The following CENATAC variants were observed in gnomAD, a reference collection of about 807,000 sequenced individuals.
CENATAC encodes the protein coiled-coil domain containing 84.
In CENATAC, 53 loss-of-function variants were observed where a neutral mutation model predicts 53.7. The observed-to-expected ratio is 0.99, with a 90% CI of 0.79 to 1.24. The LOEUF is 1.24. Among genes scored for constraint, CENATAC ranks in the 50% most tolerant of loss-of-function variants. The pLI, the probability that CENATAC is intolerant of heterozygous loss-of-function variation, is 0.00. For missense variants in CENATAC, 474 were observed against 417.8 expected (o/e 1.13, Z -1.17); for synonymous variants, 156 against 144.6 (o/e 1.08, Z -0.57).
chr11:119,014,691 G>A (rs1943061131), intron 8 of CENATAC: 1 of 218,768 alleles, frequency 4.6e-6, no homozygotes, highest in Non-Finnish European at 8.9e-6. Flanking sequence ...ATTTTAATGG[G>A]GGCAGTGATA....
intron 3 of CENATAC, among the ~76,000 whole-genome samples, chr11:119,000,928 G>A (rs1230907884): frequency 6.6e-6 from 1 of 152,090 alleles, no homozygotes; most frequent in East Asian, 1.9e-4. Flanking sequence ...CAATGTGCAT[G>A]GATTCATTTA....
At chr11:119,013,047 A>G (rs1435160914) in intron 7 of CENATAC, 185 bp from the exon 8 acceptor site, 2 of 522,636 alleles carry the variant, frequency 3.8e-6, no homozygotes, top group African/African-American at 2.0e-5. Context: ...TCCTGAGGAC[A>G]GGGTTGTCTT....
chr11:119,001,779 A>C, intron 3 of CENATAC: 1 of 436,582 alleles, frequency 2.3e-6, no homozygotes, highest in Admixed American at 2.5e-5. Context: ...TGAAACTGCC[A>C]GATGTGGTGG....
intron 3 of CENATAC, among the ~76,000 whole-genome samples, chr11:119,008,437 G>C (rs1265449870): frequency 6.6e-6 from 1 of 152,212 alleles, no homozygotes; most frequent in Non-Finnish European, 1.5e-5. Context: ...ACGTAGGCCA[G>C]ACTTATGTTT....
chr11:118,999,438 A>C (rs1942178756), intron 3 of CENATAC: 1 of 223,742 alleles, frequency 4.5e-6, no homozygotes, highest in Admixed American at 5.0e-5. Flanking sequence ...ACCTACTTTT[A>C]ATAGTTTTGG....
Position 119,015,532 on chromosome 11 carries a change from T to C in CENATAC, c.939-6T>C. ...ATCATCGTGTTAACCCTTTATTTCC[T>C]TTCAGACATCAATTCAAAACTGAAG... On this transcript the variant is annotated splice_region_variant and splice_polypyrimidine_tract_variant and intron_variant, in intron 10 of 10. Coordinates refer to ENST00000334418, the MANE Select transcript of CENATAC (RefSeq NM_198489.3). 6.2e-7 allele frequency: 1 copy of C among 1,614,170 alleles called. No homozygotes were observed.
At chr11:119,002,904 G>C (rs924513024) in intron 3 of CENATAC, 7 of 334,574 alleles carry the variant, frequency 2.1e-5, no homozygotes, top group Non-Finnish European at 3.5e-5. Flanking sequence ...TCCTGCCTCA[G>C]CCTCCTGAGT....
intron 7 of CENATAC, 47 bp from the exon 8 acceptor site, chr11:119,013,185 C>G: frequency 6.9e-7 from 1 of 1,443,138 alleles, no homozygotes; most frequent in Non-Finnish European, 9.5e-7. Flanking sequence ...TTTTTTTAAT[C>G]ATGCCTAGAC....
chr11:119,011,179 C>T (rs1942851937), intron 4 of CENATAC, 42 bp from the exon 5 acceptor site: 9 of 1,564,822 alleles, frequency 5.8e-6, no homozygotes, highest in Non-Finnish European at 7.9e-6. Context: ...AGAAACTGGC[C>T]CCCATGATCC....
chr11:119,007,760 T>G (rs1195484549), intron 3 of CENATAC, among the ~76,000 whole-genome samples: 1 of 152,194 alleles, frequency 6.6e-6, no homozygotes, highest in African/African-American at 2.4e-5. Flanking sequence ...GTGTTGAGAT[T>G]ACAGGCATGA....
chr11:119,014,881 G>A, intron 8 of CENATAC, 113 bp from the exon 9 acceptor site: 1 of 673,736 alleles, frequency 1.5e-6, no homozygotes, highest in South Asian at 2.2e-5. Flanking sequence ...CCTGGGCTTT[G>A]CTTTTAGACA....
rs867091402 is a variant in CENATAC, at chr11:119,006,076, T to A, written c.384-4688T>A. 21 of 69,388 alleles carry A rather than the reference T, an allele frequency of 3.0e-4. No individual in the cohort carries two copies. The East Asian group carries it at 4.5e-3, about 15-fold the overall frequency. 4.3% of individuals were successfully genotyped at this position (69,388 alleles called of 1,614,324 possible). ...GCCTTGGCCTTCAGAGTAGGCAGGA[T>A]TTTTTTTTTTTTTTTTTTTTTTTTT... On this transcript the variant is annotated intron_variant, in intron 3 of 10. Transcript: ENST00000334418.
intron 7 of CENATAC, chr11:119,012,650 C>T (rs1489538393): frequency 5.6e-6 from 1 of 177,406 alleles, no homozygotes; most frequent in Non-Finnish European, 1.2e-5. Flanking sequence ...TCCATTCAGC[C>T]TTTGGGCAAT....
At position 119,015,582 on chromosome 11, in the gene CENATAC, A is replaced by G; in HGVS notation, c.983A>G (p.His328Arg). 1 of 1,614,164 alleles carries G rather than the reference A, an allele frequency of 6.2e-7. No individual in the cohort carries two copies. The highest frequency in any genetic ancestry group is 1.1e-5 in the South Asian group (1 of 91,082). ...GCTGCAGCAATGAAGAAGCAGTCAC[A>G]TACAGAAAAAAGCTAATCATGCTCT... ...TEAAAMKKQSHTEKS is the reference protein window; with the variant it reads ...TEAAAMKKQSRTEKS Residue 328 changes from histidine to arginine, a missense_variant, in exon 11 of 11, where the codon CAT becomes CGT. Coordinates refer to ENST00000334418, the MANE Select transcript of CENATAC (RefSeq NM_198489.3).
Position 118,998,304 on chromosome 11 carries a change from G to A in CENATAC, c.107G>A (p.Arg36Lys), listed in dbSNP as rs1317401752. 26 of 1,608,322 alleles carry A rather than the reference G, an allele frequency of 1.6e-5. No homozygotes were observed. Among genetic ancestry groups the A allele is most frequent in the Non-Finnish European group, 2.1e-5 (25 of 1,177,616 alleles). ...CGGCAGCTGAAGGAGGCTTTGGAGA[G>A]GCTCCTGCCCCAGGTGCGGAGGCAA... ...HQRQLKEALE[R>K]LLPQVEAARK... The change falls in exon 1 of 11, where the codon AGG (arginine) becomes AAG (lysine). Residue 36 changes from arginine (R) to lysine (K), a missense_variant. Transcript: ENST00000334418.
In CENATAC at chr11:119,014,950, T is replaced by TTTTTCA; in HGVS notation, c.716-44_716-43insTTTTCA. 2.4e-6 allele frequency: 3 copies of TTTTTCA among 1,265,308 alleles called. No homozygotes were observed. The South Asian group carries it at 4.0e-5, about 17-fold the overall frequency. The allele number at this position is 1,265,308 out of a possible 1,614,324, so 78.4% of individuals were successfully genotyped here. A position where few individuals can be genotyped will look rare whatever the true frequency, so the allele number is the denominator to read the frequency against. On this transcript the variant is annotated intron_variant, in intron 8 of 10. Transcript: ENST00000334418. Reference sequence around the variant, plus strand: ...AGCTAGGACATGTTTCACAATAGCCTGAAGACTTAAAAAAAAAAAAAAAAG... The same window carrying TTTTTCA: ...AGCTAGGACATGTTTCACAATAGCCTTTTTCAGAAGACTTAAAAAAAAAAAAAAAAG...
At position 119,015,549 on chromosome 11, in the gene CENATAC, A is replaced by C; in HGVS notation, c.950A>C (p.Lys317Thr). The C allele has an allele frequency of 6.2e-7, 1 of 1,614,170 alleles. No individual in the cohort carries two copies. The highest frequency in any genetic ancestry group is 8.5e-7 in the Non-Finnish European group (1 of 1,180,024). The change falls in exon 11 of 11, where the codon AAA becomes ACA. Residue 317 changes from lysine to threonine, a missense_variant. Transcript: ENST00000334418. ...GRRWQSRHQF[K>T]TEAAAMKKQS... ...TTATTTCCTTTCAGACATCAATTCA[A>C]AACTGAAGCTGCAGCAATGAAGAAG...
chr11:119,007,330 C>T (rs1048554414), intron 3 of CENATAC, among the ~76,000 whole-genome samples: 10 of 151,940 alleles, frequency 6.6e-5, no homozygotes, highest in African/African-American at 2.2e-4. Context: ...ATTACAGGCA[C>T]GTGCCACCAC....
chr11:119,001,308 G>T (rs1223352922), intron 3 of CENATAC, among the ~76,000 whole-genome samples: 2 of 152,154 alleles, frequency 1.3e-5, no homozygotes, highest in Non-Finnish European at 2.9e-5. Context: ...ATGTAATATT[G>T]CATCTTTACA....
Sources: gnomAD v4.1 joint callset for allele counts (sites outside exome capture counted in the v4.1 genomes callset) on GRCh38, gnomAD v4.1.1 for gene constraint, MANE v1.5 for transcripts, NCBI Gene and HGNC (gene_info 2026-07-23, HGNC 2026-07-21) for gene names.